The following LRFN2 variants were observed in gnomAD, a reference collection of about 807,000 sequenced individuals.
LRFN2 encodes the protein leucine rich repeat and fibronectin type III domain containing 2.
In LRFN2, 18 loss-of-function variants were observed where a neutral mutation model predicts 37.3. The observed-to-expected ratio is 0.48, with a 90% CI of 0.33 to 0.72. The LOEUF is 0.72. LRFN2 is among the 30% of genes least tolerant of loss of function. The probability of loss-of-function intolerance (pLI) is 0.02; values close to 1 mark genes in which losing one functional copy is unlikely to be tolerated. For missense variants in LRFN2, 1,006 were observed against 1,060.7 expected (o/e 0.95, Z 0.72); for synonymous variants, 556 against 466.6 (o/e 1.19, Z -2.47).
At chr6:40,474,947 C>A (rs1179772681) in intron 1 of LRFN2, among the ~76,000 whole-genome samples, 2 of 152,216 alleles carry the variant, frequency 1.3e-5, no homozygotes, top group Non-Finnish European at 2.9e-5. Context: ...AAACCCTGTG[C>A]TTTTCTGGGT....
At chr6:40,493,591 C>T (rs1335628409) in intron 1 of LRFN2, among the ~76,000 whole-genome samples, 6 of 152,224 alleles carry the variant, frequency 3.9e-5, no homozygotes, top group Admixed American at 3.9e-4. Context: ...TAAATAGCTT[C>T]CTGAGTGCTC....
chr6:40,573,354 T>C (rs1345581100), intron 1 of LRFN2, among the ~76,000 whole-genome samples: 1 of 152,200 alleles, frequency 6.6e-6, no homozygotes, highest in Non-Finnish European at 1.5e-5. Flanking sequence ...ATGGCCTGGG[T>C]GCCAGTCGCA....
intron 1 of LRFN2, among the ~76,000 whole-genome samples, chr6:40,500,776 A>G (rs1765361650): frequency 6.6e-6 from 1 of 152,226 alleles, no homozygotes; most frequent in African/African-American, 2.4e-5. Flanking sequence ...CCTCTAAGGA[A>G]AACAGTGGGC....
At chr6:40,445,913 A>G (rs1763958302) in intron 1 of LRFN2, among the ~76,000 whole-genome samples, 2 of 152,204 alleles carry the variant, frequency 1.3e-5, no homozygotes, top group Non-Finnish European at 2.9e-5. Context: ...ATCCTGTAAA[A>G]CACTTAACCA....
chr6:40,508,498 G>A (rs1765604601), intron 1 of LRFN2, among the ~76,000 whole-genome samples: 1 of 152,160 alleles, frequency 6.6e-6, no homozygotes, highest in South Asian at 2.1e-4. Flanking sequence ...GCCTGAAGAG[G>A]CTCTGCTCCC....
At chr6:40,451,759 A>G (rs1350302616) in intron 1 of LRFN2, among the ~76,000 whole-genome samples, 1 of 152,144 alleles carries the variant, frequency 6.6e-6, no homozygotes. Flanking sequence ...CCCTAGTCAC[A>G]TGTGTAGCTC....
intron 1 of LRFN2, among the ~76,000 whole-genome samples, chr6:40,457,466 G>A (rs1006622732): frequency 6.6e-6 from 1 of 151,724 alleles, no homozygotes; most frequent in Non-Finnish European, 1.5e-5. Context: ...TCAGCATAAG[G>A]TTACATCAGA....
chr6:40,422,036 C>T (rs9394690), intron 2 of LRFN2, among the ~76,000 whole-genome samples: 15,581 of 152,132 alleles, frequency 0.1, 1,623 homozygotes, highest in African/African-American at 0.26. Flanking sequence ...CCCCTGATTC[C>T]ATCTTTCTTA....
chr6:40,412,438 C>T (rs1762992610), intron 2 of LRFN2, among the ~76,000 whole-genome samples: 1 of 152,180 alleles, frequency 6.6e-6, no homozygotes. Flanking sequence ...TCCGGGGTCC[C>T]ATAGGTAACA....
At chr6:40,531,356 G>T (rs1170340582) in intron 1 of LRFN2, among the ~76,000 whole-genome samples, 2 of 152,160 alleles carry the variant, frequency 1.3e-5, no homozygotes, top group Non-Finnish European at 1.5e-5. Flanking sequence ...TGTCTCCATG[G>T]CTGATGAGCA....
At chr6:40,585,299 T>C (rs1192330785) in intron 1 of LRFN2, among the ~76,000 whole-genome samples, 2 of 152,100 alleles carry the variant, frequency 1.3e-5, no homozygotes, top group Non-Finnish European at 2.9e-5. Flanking sequence ...AGCAGAAGCA[T>C]GTGAGGAGGC....
intron 1 of LRFN2, among the ~76,000 whole-genome samples, chr6:40,472,309 T>G (rs962856566): frequency 1.3e-5 from 2 of 152,322 alleles, no homozygotes; most frequent in East Asian, 1.9e-4. Context: ...AGGTGGGGCT[T>G]TGAAAAAACC....
chr6:40,568,189 A>C (rs546992365), intron 1 of LRFN2, among the ~76,000 whole-genome samples: 1 of 152,368 alleles, frequency 6.6e-6, no homozygotes, highest in African/African-American at 2.4e-5. Context: ...AAGGTTTGAC[A>C]GCAGCCTGGG....
chr6:40,471,826 T>C (rs11965590), intron 1 of LRFN2, among the ~76,000 whole-genome samples: 3,944 of 152,164 alleles, frequency 0.026, 132 homozygotes, highest in African/African-American at 0.072. Flanking sequence ...CACAACCAGA[T>C]ATATAGTTCC....
At chr6:40,451,794 C>G (rs78344602) in intron 1 of LRFN2, among the ~76,000 whole-genome samples, 1 of 152,180 alleles carries the variant, frequency 6.6e-6, no homozygotes. Flanking sequence ...AGGCAAGGTG[C>G]CCCTTCTAGG....
chr6:40,552,621 A>T (rs73732710), intron 1 of LRFN2, among the ~76,000 whole-genome samples: 3,520 of 152,268 alleles, frequency 0.023, 160 homozygotes, highest in African/African-American at 0.079. Flanking sequence ...AGCATTAAAT[A>T]ACTCAAATAT....
At chr6:40,440,321 T>C (rs558635961) in intron 1 of LRFN2, among the ~76,000 whole-genome samples, 3 of 152,318 alleles carry the variant, frequency 2.0e-5, no homozygotes, top group African/African-American at 7.2e-5. Context: ...ATAGCTTTTA[T>C]TGTGTTGCAA....
intron 1 of LRFN2, among the ~76,000 whole-genome samples, chr6:40,443,331 G>A (rs1435028673): frequency 1.3e-5 from 2 of 152,162 alleles, no homozygotes; most frequent in African/African-American, 4.8e-5. Flanking sequence ...GAAAACAGCC[G>A]CAATAGGGAA....
chr6:40,552,802 C>T (rs971903397), intron 1 of LRFN2, among the ~76,000 whole-genome samples: 8 of 152,158 alleles, frequency 5.3e-5, no homozygotes, highest in African/African-American at 1.9e-4. Flanking sequence ...TTTGCATATT[C>T]CTGCCAATCT....
Sources: allele counts gnomAD v4.1 joint callset (sites outside exome capture counted in the v4.1 genomes callset), GRCh38; gene constraint gnomAD v4.1.1; transcripts MANE v1.5; gene names NCBI Gene and HGNC (gene_info 2026-07-23, HGNC 2026-07-21).